FHIT: variants seen among roughly 807,000 people sequenced by gnomAD.
FHIT encodes fragile histidine triad diadenosine triphosphatase.
In FHIT, 19 loss-of-function variants were observed where a neutral mutation model predicts 17.9. That is an observed-to-expected ratio of 1.06 (90% CI 0.74 to 1.56). The LOEUF (loss-of-function observed/expected upper bound fraction) is 1.56. Ranked by LOEUF, FHIT falls within the 40% of genes most tolerant of loss-of-function variation. The pLI is 0.00. For synonymous variants in FHIT, 81 were observed against 69.7 expected, an observed-to-expected ratio of 1.16 and a Z score of -0.81; for missense variants, 248 against 189.2, an observed-to-expected ratio of 1.31 and a Z score of -1.82.
chr3:60,157,340 G>C (rs950693485), intron 5 of FHIT, among the ~76,000 whole-genome samples: 1 of 152,182 alleles, frequency 6.6e-6, no homozygotes, highest in African/African-American at 2.4e-5. Context: ...ACGTGGAAAA[G>C]TCCAGTTGTT....
chr3:60,952,169 A>AC (rs151305076), intron 3 of FHIT, among the ~76,000 whole-genome samples: 29 of 88,388 alleles, frequency 3.3e-4, no homozygotes, highest in African/African-American at 1.3e-3. Flanking sequence ...CGTCCTCCCC[A>AC]CCCCCCCCCC....
intron 5 of FHIT, among the ~76,000 whole-genome samples, chr3:60,339,835 T>C (rs1710429002): frequency 6.6e-6 from 1 of 152,172 alleles, no homozygotes; most frequent in African/African-American, 2.4e-5. Flanking sequence ...TCTCACCTTG[T>C]TGCTATGCAC....
intron 5 of FHIT, among the ~76,000 whole-genome samples, chr3:60,112,425 G>C (rs992351260): frequency 6.6e-5 from 10 of 152,162 alleles, no homozygotes; most frequent in Admixed American, 1.3e-4. Context: ...CCTGATCATA[G>C]CGCTGCCACT....
At chr3:61,153,660 T>G (rs1247288962) in intron 2 of FHIT, among the ~76,000 whole-genome samples, 1 of 152,180 alleles carries the variant, frequency 6.6e-6, no homozygotes, top group Non-Finnish European at 1.5e-5. Flanking sequence ...GAGTAAGGAA[T>G]GCTGACCTTC....
rs536870726 is a variant in FHIT at position 60,532,902 on chromosome 3, T to C, written c.103+3958A>G. ...GTTATAAGAGAGACAAGTTCAAAGATGACATTTACAAGCCTCTCATGAATG... is the reference window on the plus strand; with the variant it reads ...GTTATAAGAGAGACAAGTTCAAAGACGACATTTACAAGCCTCTCATGAATG... On this transcript the variant is annotated intron_variant, in intron 5 of 9. Coordinates refer to ENST00000492590, the MANE Select transcript of FHIT (RefSeq NM_002012.4). Among the ~76,000 whole-genome samples, 28 of 152,196 alleles carry C rather than the reference T, an allele frequency of 1.8e-4. No homozygotes were observed. In the South Asian group the frequency reaches 4.6e-3, roughly 25 times the overall value.
chr3:61,029,912 T>C (rs2107664814), intron 3 of FHIT, among the ~76,000 whole-genome samples: 1 of 152,350 alleles, frequency 6.6e-6, no homozygotes, highest in South Asian at 2.1e-4. Flanking sequence ...TAGGAGCTTG[T>C]TAGAACCTCA....
intron 7 of FHIT, among the ~76,000 whole-genome samples, chr3:60,005,038 T>C (rs765612805): frequency 6.6e-6 from 1 of 152,152 alleles, no homozygotes; most frequent in Non-Finnish European, 1.5e-5. Flanking sequence ...ATGCACCTGG[T>C]AGGCGACAGC....
intron 4 of FHIT, among the ~76,000 whole-genome samples, chr3:60,547,497 AT>A (rs1308608129): frequency 2.0e-5 from 3 of 152,116 alleles, no homozygotes; most frequent in Non-Finnish European, 2.9e-5. Context: ...TTTCTTCTTT[AT>A]TTTTTTGGTG....
chr3:60,511,041 C>T (rs898035632), intron 5 of FHIT, among the ~76,000 whole-genome samples: 6 of 152,076 alleles, frequency 3.9e-5, no homozygotes, highest in African/African-American at 1.2e-4. Flanking sequence ...TTATTAAAAA[C>T]GTAAAACACA....
intron 5 of FHIT, among the ~76,000 whole-genome samples, chr3:60,268,063 C>T (rs770404256): frequency 7.9e-5 from 12 of 152,074 alleles, no homozygotes; most frequent in Non-Finnish European, 1.8e-4. Context: ...AATTTAAATG[C>T]AAACTGTGGA....
chr3:60,814,823 C>T (rs1488719798), intron 4 of FHIT, among the ~76,000 whole-genome samples: 3 of 151,958 alleles, frequency 2.0e-5, no homozygotes, highest in Admixed American at 2.0e-4. Flanking sequence ...ACATTCCCAC[C>T]AACAGTGTAT....
intron 2 of FHIT, among the ~76,000 whole-genome samples, chr3:61,187,347 A>T (rs1164994180): frequency 6.6e-6 from 1 of 152,198 alleles, no homozygotes; most frequent in African/African-American, 2.4e-5. Flanking sequence ...CCATTACACC[A>T]TGGTAAAGGG....
At chr3:60,028,007 A>G (rs1469365917) in intron 5 of FHIT, among the ~76,000 whole-genome samples, 1 of 152,146 alleles carries the variant, frequency 6.6e-6, no homozygotes, top group East Asian at 1.9e-4. Flanking sequence ...TACATTTTAA[A>G]TACCACCCTG....
intron 5 of FHIT, among the ~76,000 whole-genome samples, chr3:60,444,307 C>T (rs4428132): frequency 6.6e-6 from 1 of 152,088 alleles, no homozygotes; most frequent in African/African-American, 2.4e-5. Flanking sequence ...GGATCTAGAA[C>T]TAGAAATACC....
At chr3:60,103,561 T>C (rs911872379) in intron 5 of FHIT, among the ~76,000 whole-genome samples, 19 of 152,090 alleles carry the variant, frequency 1.2e-4, no homozygotes, top group Non-Finnish European at 2.2e-4. Context: ...AAGTAGAAGG[T>C]AAGGATTATT....
chr3:60,203,173 G>C (rs947516421), intron 5 of FHIT, among the ~76,000 whole-genome samples: 5 of 152,106 alleles, frequency 3.3e-5, no homozygotes, highest in Admixed American at 6.5e-5. Flanking sequence ...TTTGCATGAA[G>C]TGTGTGTGAG....
intron 7 of FHIT, among the ~76,000 whole-genome samples, chr3:60,005,670 C>T (rs544498049): frequency 1.3e-5 from 2 of 152,238 alleles, no homozygotes; most frequent in South Asian, 4.2e-4. Context: ...GCTACAGCAT[C>T]CTGAAGATAC....
intron 5 of FHIT, among the ~76,000 whole-genome samples, chr3:60,093,107 T>A (rs887805816): frequency 6.6e-5 from 10 of 152,122 alleles, no homozygotes; most frequent in African/African-American, 2.4e-4. Context: ...CTTAGTGGCT[T>A]CAAACCACAC....
chr3:61,018,263 T>A (rs759851220), intron 3 of FHIT, among the ~76,000 whole-genome samples: 18 of 152,160 alleles, frequency 1.2e-4, no homozygotes, highest in Admixed American at 3.3e-4. Context: ...AACACTAAGA[T>A]ACATGTGACT....
Sources: gnomAD v4.1 joint callset for allele counts (sites outside exome capture counted in the v4.1 genomes callset) on GRCh38, gnomAD v4.1.1 for gene constraint, MANE v1.5 for transcripts, NCBI Gene and HGNC (gene_info 2026-07-23, HGNC 2026-07-21) for gene names.